Variants in TANC2 observed in about 807,000 individuals in gnomAD.
The protein encoded by TANC2 is protein TANC2.
Under a neutral mutation model 210.5 loss-of-function variants are expected in TANC2, and 26 were observed. That is an observed-to-expected ratio of 0.12 (90% CI 0.09 to 0.17). The LOEUF (loss-of-function observed/expected upper bound fraction) is 0.17. TANC2 is among the 10% of genes least tolerant of loss of function. TANC2 has a pLI of 1.00. For missense variants in TANC2, 2,129 were observed against 2,608.9 expected, an observed-to-expected ratio of 0.82 and a Z score of 4.01; for synonymous variants, 931 against 967.1, an observed-to-expected ratio of 0.96 and a Z score of 0.69.
chr17:63,161,396 G>A (rs2040020098), intron 5 of TANC2, among the ~76,000 whole-genome samples: 1 of 152,044 alleles, frequency 6.6e-6, no homozygotes, highest in Admixed American at 6.6e-5. Context: ...CATATACTCT[G>A]AACAGCTTTG....
intron 2 of TANC2, among the ~76,000 whole-genome samples, chr17:63,050,934 C>T (rs551671116): frequency 1.3e-5 from 2 of 152,304 alleles, no homozygotes; most frequent in African/African-American, 4.8e-5. Flanking sequence ...CAAGCCTACC[C>T]TTTTCTTCAT....
At chr17:63,063,531 CGTGTGTGTGTGTGTGTGT>C (rs59132639) in intron 2 of TANC2, among the ~76,000 whole-genome samples, 6 of 108,224 alleles carry the variant, frequency 5.5e-5, no homozygotes, top group East Asian at 2.3e-4. Flanking sequence ...GGGACAAAGA[CGTGTGTGTGTGTGTGTGT>C]GTGTGTGTGT....
intron 12 of TANC2, among the ~76,000 whole-genome samples, chr17:63,347,966 C>T (rs1012063200): frequency 2.0e-5 from 3 of 152,056 alleles, no homozygotes; most frequent in Admixed American, 1.3e-4. Context: ...TAGTGTCTCA[C>T]GATGTTGCCC....
chr17:63,213,411 C>A (rs2041942384), intron 7 of TANC2, among the ~76,000 whole-genome samples: 1 of 152,168 alleles, frequency 6.6e-6, no homozygotes, highest in South Asian at 2.1e-4. Flanking sequence ...CGGTGTACAA[C>A]CCGTGTAGCC....
chr17:63,251,593 G>A (rs530949721), intron 8 of TANC2, among the ~76,000 whole-genome samples: 346 of 152,228 alleles, frequency 2.3e-3, no homozygotes, highest in Non-Finnish European at 4.1e-3. Flanking sequence ...AAAGGCAGTG[G>A]AAAATGATAG....
chr17:63,059,125 A>T (rs1028713379), intron 2 of TANC2, among the ~76,000 whole-genome samples: 2 of 151,576 alleles, frequency 1.3e-5, no homozygotes, highest in African/African-American at 4.8e-5. Context: ...TTGGGAATTA[A>T]TTTTTTTATG....
intron 12 of TANC2, among the ~76,000 whole-genome samples, chr17:63,342,807 C>T (rs2046282158): frequency 1.3e-5 from 2 of 152,148 alleles, no homozygotes; most frequent in Non-Finnish European, 2.9e-5. Context: ...TATCCAAATG[C>T]TTGCAGTCAG....
chr17:63,089,677 T>C (rs1389699210), intron 3 of TANC2, among the ~76,000 whole-genome samples: 1 of 152,180 alleles, frequency 6.6e-6, no homozygotes, highest in Non-Finnish European at 1.5e-5. Context: ...CAGAGTGGTA[T>C]AAATCTTTGC....
At chr17:63,273,798 C>T (rs1394498989) in intron 9 of TANC2, among the ~76,000 whole-genome samples, 1 of 152,142 alleles carries the variant, frequency 6.6e-6, no homozygotes. Flanking sequence ...GCAGGAGTGG[C>T]ATTATCTAGG....
At chr17:63,261,727 C>A (rs907889094) in intron 8 of TANC2, among the ~76,000 whole-genome samples, 1 of 152,216 alleles carries the variant, frequency 6.6e-6, no homozygotes, top group Non-Finnish European at 1.5e-5. Context: ...ACAAAGTCCA[C>A]CTTTTTGGCT....
At chr17:63,055,469 A>G (rs1298122441) in intron 2 of TANC2, among the ~76,000 whole-genome samples, 1 of 152,086 alleles carries the variant, frequency 6.6e-6, no homozygotes, top group African/African-American at 2.4e-5. Context: ...ATGGGCAGCT[A>G]GATCTTTTTT....
chr17:63,172,885 C>T (rs2040450673), intron 5 of TANC2, among the ~76,000 whole-genome samples: 2 of 152,064 alleles, frequency 1.3e-5, no homozygotes, highest in Admixed American at 6.6e-5. Flanking sequence ...ATTTCACTAC[C>T]TTGGGGGTTA....
intron 14 of TANC2, among the ~76,000 whole-genome samples, chr17:63,377,937 C>A (rs370900888): frequency 2.0e-5 from 3 of 152,122 alleles, no homozygotes; most frequent in East Asian, 1.9e-4. Flanking sequence ...ACTTAGAAAA[C>A]CATCAGATCT....
intron 1 of TANC2, among the ~76,000 whole-genome samples, chr17:63,004,168 T>G (rs2033507974): frequency 6.6e-6 from 1 of 152,182 alleles, no homozygotes; most frequent in Non-Finnish European, 1.5e-5. Context: ...GACTTTCAGG[T>G]AGCGAAATGA....
chr17:63,247,471 T>A (rs1001126126), intron 8 of TANC2, among the ~76,000 whole-genome samples: 4 of 137,858 alleles, frequency 2.9e-5, no homozygotes, highest in African/African-American at 1.2e-4. Context: ...TTGTCCCTCC[T>A]CTTCCCCTAC....
chr17:63,420,201 G>C lies in TANC2; in HGVS notation c.4471G>C (p.Val1491Leu), dbSNP rs550952516. 6 of 1,601,678 alleles carry C rather than the reference G, an allele frequency of 3.7e-6. No individual in the cohort carries two copies. The highest frequency in any genetic ancestry group is 1.3e-5 in the African/African-American group (1 of 74,790). The stretch of plus-strand genomic sequence containing the variant: ...GCCACAGCATGAAGACATATACTCT[G>C]TACAGGATATATTCGAGGAGGAGTA... Residue 1491 changes from valine to leucine, a missense_variant, in exon 28 of 28, where the codon GTA becomes CTA. Around this residue, in one of 5 missense-constraint regions of TANC2, gnomAD observed 584 missense variants for 627.3 expected, o/e 0.93. Coordinates refer to ENST00000689528, the Ensembl canonical transcript of TANC2. This position sits in a 1 kb window ranked among gnomAD's most constrained non-coding sequence, Gnocchi z 4.2.
chr17:62,992,634 C>T (rs1182283287), intron 1 of TANC2, among the ~76,000 whole-genome samples: 2 of 152,120 alleles, frequency 1.3e-5, no homozygotes, highest in Non-Finnish European at 2.9e-5. Context: ...ACATATAATA[C>T]AGTAAATGAT....
At chr17:63,393,666 G>T (rs2048051550) in intron 17 of TANC2, 1 of 152,042 alleles carries the variant, frequency 6.6e-6, no homozygotes, top group African/African-American at 2.4e-5. Context: ...TTAGGGTTAT[G>T]CTTTTGAGAC....
rs71357046 is a variant in TANC2 at position 63,025,821 on chromosome 17, TTAAAATAAAATAAAATAAAA to T, written c.67+16216_67+16235del. On this transcript the variant is annotated intron_variant, in intron 2 of 27. Transcript: ENST00000689528. ...AAAAATAAAATAAAATAAAATTAAA[TTAAAATAAAATAAAATAAAA>T]TAAAATAAAATAAAATAAAAAATAA... 3.3e-3 allele frequency among the ~76,000 whole-genome samples: 473 copies of T among 141,512 alleles called. 2 individuals are homozygous for T. Among genetic ancestry groups the T allele is most frequent in the Non-Finnish European group, 5.3e-3 (350 of 66,126 alleles). The allele number at this position is 141,512 out of a possible 152,430, so 92.8% of individuals were successfully genotyped here.
Sources: allele counts gnomAD v4.1 joint callset (sites outside exome capture counted in the v4.1 genomes callset), GRCh38; gene constraint gnomAD v4.1.1; regional missense constraint gnomAD v4.1.1; non-coding constraint Gnocchi (gnomAD v3.1); transcripts MANE v1.5; gene names NCBI Gene and HGNC (gene_info 2026-07-23, HGNC 2026-07-21).